Variants in AGPS observed in about 807,000 individuals in gnomAD.
AGPS encodes the protein alkylglycerone phosphate synthase, also known as alkyldihydroxyacetonephosphate synthase, peroxisomal.
A neutral mutation model predicts 90.7 loss-of-function variants in AGPS; 26 were observed. That is an observed-to-expected ratio of 0.29 (90% CI 0.21 to 0.40). The LOEUF is 0.40. Ranked by LOEUF, AGPS falls within the 10% of genes least tolerant of loss-of-function variation. AGPS has a pLI of 1.00. For missense variants in AGPS, 540 were observed against 816.1 expected (o/e 0.66, Z 4.12); for synonymous variants, 294 against 285.3 (o/e 1.03, Z -0.31).
intron 17 of AGPS, among the ~76,000 whole-genome samples, chr2:177,517,269 C>A (rs774947653): frequency 5.3e-5 from 8 of 152,038 alleles, no homozygotes; most frequent in Non-Finnish European, 7.4e-5. Context: ...TTCTTGATAT[C>A]TTTTGTATAT....
chr2:177,498,349 T>C (rs1360069827), intron 13 of AGPS, among the ~76,000 whole-genome samples: 3 of 151,646 alleles, frequency 2.0e-5, no homozygotes, highest in Non-Finnish European at 4.4e-5. Flanking sequence ...GTGGGGGGTG[T>C]GCAGCTTCAT....
At chr2:177,423,217 A>G (rs7557431) in intron 2 of AGPS, among the ~76,000 whole-genome samples, 25,940 of 63,782 alleles carry the variant, frequency 0.41, 11,573 homozygotes, top group East Asian at 0.88. Context: ...ATCTTGTGTC[A>G]AAAATTCCTA....
chr2:177,507,527 TCTC>T (rs1157911090), intron 15 of AGPS, among the ~76,000 whole-genome samples: 1 of 152,134 alleles, frequency 6.6e-6, no homozygotes, highest in Non-Finnish European at 1.5e-5. Flanking sequence ...AAGAAAAAAA[TCTC>T]CTCATTCTAA....
At position 177,493,154 on chromosome 2, in the gene AGPS, G is replaced by A; in HGVS notation, c.1240G>A (p.Ala414Thr). ...TTTTTTCTTTTTAAAACAGAGATGT[G>A]CTCCGGCATCTATTCGCCTCATGGA... is the stretch of plus-strand genomic sequence containing the variant. ...CLREIAKQRC[A>T]PASIRLMDNK... is the part of the protein sequence containing the mutation. Residue 414 changes from alanine to threonine, a missense_variant, in exon 12 of 20, where the codon GCT becomes ACT. Coordinates refer to ENST00000264167, the MANE Select transcript of AGPS (RefSeq NM_003659.4). 6.2e-7 allele frequency: 1 copy of A among 1,612,384 alleles called. No individual in the cohort carries two copies. Among genetic ancestry groups the A allele is most frequent in the Non-Finnish European group, 8.5e-7 (1 of 1,179,120 alleles).
intron 9 of AGPS, among the ~76,000 whole-genome samples, chr2:177,462,371 C>T (rs189357959): frequency 2.9e-3 from 363 of 123,690 alleles, no homozygotes; most frequent in Middle Eastern, 5.6e-3. Context: ...CCAGCCTGGG[C>T]GACAGAGCGA....
intron 19 of AGPS, among the ~76,000 whole-genome samples, chr2:177,534,799 A>G (rs185658765): frequency 7.3e-5 from 9 of 123,102 alleles, no homozygotes; most frequent in South Asian, 3.1e-4. Flanking sequence ...GGGTCTCACT[A>G]TGTTACCCAG....
chr2:177,451,974 A>G (rs947953506), intron 8 of AGPS, among the ~76,000 whole-genome samples: 7 of 151,580 alleles, frequency 4.6e-5, no homozygotes, highest in African/African-American at 1.5e-4. Flanking sequence ...TTAGTTCCCA[A>G]TTATTTTGGG....
intron 16 of AGPS, among the ~76,000 whole-genome samples, chr2:177,511,167 A>G (rs1688859232): frequency 6.6e-6 from 1 of 152,086 alleles, no homozygotes; most frequent in African/African-American, 2.4e-5. Context: ...GACGCTTATC[A>G]CGGCTCACTG....
At chr2:177,493,812 A>G (rs184823201) in intron 12 of AGPS, among the ~76,000 whole-genome samples, 13 of 152,330 alleles carry the variant, frequency 8.5e-5, no homozygotes, top group East Asian at 7.7e-4. Context: ...AGAAGGGTAC[A>G]TGCATGGAGG....
At position 177,540,315 on chromosome 2, in the gene AGPS, T is replaced by C. The variant is rs1000079321; in HGVS notation, c.*2120T>C. 8.5e-5 allele frequency: 13 copies of C among 152,050 alleles called. No individual in the cohort carries two copies. Among genetic ancestry groups the C allele is most frequent in the Admixed American group, 7.9e-4 (12 of 15,236 alleles). The allele number at this position is 152,050 out of a possible 1,614,324, so 9.4% of individuals were successfully genotyped here. On this transcript the variant is annotated 3_prime_UTR_variant, in exon 20 of 20. Transcript: ENST00000264167. ...AATTCATGATTTATGTCTTTGTTTT[T>C]CTTTTTCCAAGTATATGCAGGACTC... is the stretch of plus-strand genomic sequence containing the variant.
Position 177,436,861 on chromosome 2 carries a change from A to G in AGPS, c.539A>G (p.Asp180Gly), listed in dbSNP as rs771336236. Residue 180 changes from aspartate to glycine, a missense_variant, in exon 4 of 20, where the codon GAT (aspartate) becomes GGT (glycine). Around this residue, in one of 2 missense-constraint regions of AGPS, gnomAD observed 405 missense variants for 692.1 expected, o/e 0.59. Coordinates refer to ENST00000264167, the MANE Select transcript of AGPS (RefSeq NM_003659.4). ...ETNISYSQEADDRVFRAHGHC... is the reference protein window; with the variant it reads ...ETNISYSQEAGDRVFRAHGHC... ...AATATTTCATATTCACAAGAGGCAGATGATCGAGTATTTAGAGCTCATGGT... is the reference window on the plus strand; with the variant it reads ...AATATTTCATATTCACAAGAGGCAGGTGATCGAGTATTTAGAGCTCATGGT... The G allele has an allele frequency of 8.1e-6, 13 of 1,612,894 alleles. No homozygotes were observed. Among genetic ancestry groups the G allele is most frequent in the Non-Finnish European group, 1.1e-5 (13 of 1,179,120 alleles).
chr2:177,536,552 C>T (rs2079186044), intron 19 of AGPS, among the ~76,000 whole-genome samples: 1 of 152,032 alleles, frequency 6.6e-6, no homozygotes, highest in South Asian at 2.1e-4. Context: ...CAGGCTGAAT[C>T]ATAGTCATGG....
At chr2:177,442,599 C>A in intron 7 of AGPS, 113 bp downstream of exon 7, 1 of 892,428 alleles carries the variant, frequency 1.1e-6, no homozygotes, top group South Asian at 1.4e-5. Flanking sequence ...GTAATCCCAG[C>A]ACCTGGGGAG....
In AGPS at chr2:177,540,010, G is replaced by GAAA. The variant is rs1448097939; in HGVS notation, c.*1815_*1816insAAA. 54 of 72,132 alleles carry GAAA rather than the reference G, an allele frequency of 7.5e-4. No homozygotes were observed. Among genetic ancestry groups the GAAA allele is most frequent in the Middle Eastern group, 0.019 (2 of 106 alleles). 4.5% of individuals were successfully genotyped at this position (72,132 alleles called of 1,614,324 possible). A position where few individuals can be genotyped will look rare whatever the true frequency, so the allele number is the denominator to read the frequency against. ...ATTGGTGATCAAAATATAAAATTAAGGTACTAATGTCTCACTGGAAGTATA... is the reference window on the plus strand; with the variant it reads ...ATTGGTGATCAAAATATAAAATTAAGAAAGTACTAATGTCTCACTGGAAGTATA... On this transcript the variant is annotated 3_prime_UTR_variant, in exon 20 of 20. Coordinates refer to ENST00000264167, the MANE Select transcript of AGPS (RefSeq NM_003659.4).
At chr2:177,526,461 C>T (rs2079088881) in intron 19 of AGPS, among the ~76,000 whole-genome samples, 1 of 152,080 alleles carries the variant, frequency 6.6e-6, no homozygotes, top group Non-Finnish European at 1.5e-5. Context: ...AACTCCTGAT[C>T]TCAGATGATC....
chr2:177,535,318 C>T (rs1168904876), intron 19 of AGPS, among the ~76,000 whole-genome samples: 1 of 152,184 alleles, frequency 6.6e-6, no homozygotes, highest in Admixed American at 6.5e-5. Flanking sequence ...TGGTGTGCTA[C>T]ATAAGGGACA....
intron 9 of AGPS, among the ~76,000 whole-genome samples, chr2:177,465,531 G>A (rs370031560): frequency 1.3e-5 from 2 of 152,180 alleles, no homozygotes; most frequent in African/African-American, 2.4e-5. Flanking sequence ...CCAACGGCGA[G>A]CCAGGCACAG....
intron 2 of AGPS, among the ~76,000 whole-genome samples, chr2:177,426,561 T>G (rs147214116): frequency 6.6e-6 from 1 of 152,216 alleles, no homozygotes; most frequent in Non-Finnish European, 1.5e-5. Context: ...TTTTGAAGTA[T>G]GGTCCTTCAA....
intron 8 of AGPS, among the ~76,000 whole-genome samples, chr2:177,460,096 A>G (rs1000694836): frequency 1.3e-5 from 2 of 152,258 alleles, no homozygotes; most frequent in East Asian, 1.9e-4. Context: ...GTTCTCACTC[A>G]TAAGTGGGAG....
Sources: allele counts gnomAD v4.1 joint callset (sites outside exome capture counted in the v4.1 genomes callset), GRCh38; gene constraint gnomAD v4.1.1; regional missense constraint gnomAD v4.1.1; transcripts MANE v1.5; gene names NCBI Gene and HGNC (gene_info 2026-07-23, HGNC 2026-07-21).